Variants in TAF5 observed in about 807,000 individuals in gnomAD.
TAF5 encodes transcription initiation factor TFIID subunit 5.
A neutral mutation model predicts 80.9 loss-of-function variants in TAF5; 20 were observed. The observed-to-expected ratio is 0.25, with a 90% CI of 0.17 to 0.36. TAF5 has a LOEUF of 0.36. Among genes scored for constraint, TAF5 ranks in the 10% least tolerant of loss-of-function variants. The pLI is 1.00. For missense variants in TAF5, 863 were observed against 1,029.4 expected, an observed-to-expected ratio of 0.84 and a Z score of 2.21; for synonymous variants, 388 against 406.4, an observed-to-expected ratio of 0.95 and a Z score of 0.55.
At chr10:103,387,402 A>T (rs751106453) in intron 9 of TAF5, 50 bp downstream of exon 9, 1 of 1,560,266 alleles carries the variant, frequency 6.4e-7, no homozygotes, top group East Asian at 2.3e-5. Flanking sequence ...TTCAAAATAA[A>T]AATATTTTTT....
intron 8 of TAF5, among the ~76,000 whole-genome samples, chr10:103,386,651 G>A (rs1164387307): frequency 1.3e-5 from 2 of 149,622 alleles, no homozygotes; most frequent in Non-Finnish European, 3.0e-5. Flanking sequence ...GGGCAACAGA[G>A]CAAGACCTCA....
chr10:103,387,606 T>C lies in TAF5; in HGVS notation c.2093T>C (p.Ile698Thr). 6.2e-7 allele frequency: 1 copy of C among 1,614,144 alleles called. No homozygotes were observed. Among genetic ancestry groups the C allele is most frequent in the Non-Finnish European group, 8.5e-7 (1 of 1,180,002 alleles). Residue 698 changes from isoleucine (I) to threonine (T), a missense_variant, in exon 10 of 11, where the codon ATT becomes ACT. Ile to Thr is a moderately conservative substitution (Grantham distance 89). This residue lies in a region of TAF5 where 368 missense variants were observed against 461.7 expected (regional missense o/e 0.80). Transcript: ENST00000369839. Reference protein sequence around the residue: ...ATDGRVLLWDIGHGLMVGELK... With the variant: ...ATDGRVLLWDTGHGLMVGELK... The stretch of plus-strand genomic sequence containing the variant: ...GATGGCAGAGTGCTTCTTTGGGATA[T>C]TGGACATGGTTTGATGGTTGGAGAA...
chr10:103,378,144 A>G lies in TAF5; in HGVS notation c.798-91A>G. 1 of 1,142,630 alleles carries G rather than the reference A, an allele frequency of 8.8e-7. No homozygotes were observed. Among genetic ancestry groups the G allele is most frequent in the Admixed American group, 2.4e-5 (1 of 41,672 alleles). 70.8% of individuals were successfully genotyped at this position (1,142,630 alleles called of 1,614,324 possible). On this transcript the variant is annotated intron_variant, in intron 2 of 10. Transcript: ENST00000369839. The surrounding 1 kb of genome is among the most constrained non-coding windows in gnomAD (Gnocchi z 4.1). Reference sequence around the variant, plus strand: ...GGATTATTTAGACTACTACATTGAAAATATTCTGGGATGGTTTATAAGTAT... The same window carrying G: ...GGATTATTTAGACTACTACATTGAAGATATTCTGGGATGGTTTATAAGTAT...
intron 7 of TAF5, 58 bp downstream of exon 7, chr10:103,383,425 G>A (rs962576272): frequency 6.8e-7 from 1 of 1,469,862 alleles, no homozygotes; most frequent in Non-Finnish European, 9.1e-7. Flanking sequence ...TTATATAAAA[G>A]TTAACTACTG....
chr10:103,376,056 C>G (rs1251559926), intron 2 of TAF5, among the ~76,000 whole-genome samples: 1 of 131,282 alleles, frequency 7.6e-6, no homozygotes, highest in Non-Finnish European at 1.6e-5. Context: ...AAGTCTATCT[C>G]AAAAAAAAAA....
chr10:103,373,683 A>C, intron 2 of TAF5, 88 bp downstream of exon 2: 2 of 978,732 alleles, frequency 2.0e-6, no homozygotes, highest in Non-Finnish European at 3.0e-6. Flanking sequence ...AACCACAAAA[A>C]TGTAAGACTG....
intron 1 of TAF5, 130 bp downstream of exon 1, chr10:103,368,678 C>T (rs1421840618): frequency 8.1e-7 from 1 of 1,237,588 alleles, no homozygotes; most frequent in African/African-American, 1.6e-5. Flanking sequence ...GGCCACATGC[C>T]CGCCCCTTTC....
At chr10:103,381,009 G>T (rs1020054301) in intron 5 of TAF5, among the ~76,000 whole-genome samples, 17 of 151,784 alleles carry the variant, frequency 1.1e-4, no homozygotes, top group African/African-American at 4.1e-4. Flanking sequence ...GAGTGCGGTG[G>T]TGCAATTTTG....
chr10:103,388,047 G>A lies in TAF5; in HGVS notation c.2227G>A (p.Ala743Thr). The part of the protein sequence containing the change: ...NTVRLWDAIK[A>T]FEDLETDDFT... The stretch of plus-strand genomic sequence containing the variant: ...AGTTCGATTATGGGATGCTATCAAA[G>A]CCTTTGAAGATTTAGAGACCGATGA... Residue 743 changes from alanine to threonine, a missense_variant, in exon 11 of 11, where the codon GCC (alanine) becomes ACC (threonine). Ala to Thr is a moderately conservative substitution (Grantham distance 58). Around this residue, in one of 3 missense-constraint regions of TAF5, gnomAD observed 368 missense variants for 461.7 expected, o/e 0.80. Transcript: ENST00000369839. 1.9e-6 allele frequency: 3 copies of A among 1,614,046 alleles called. No homozygotes were observed. The highest frequency in any genetic ancestry group is 2.5e-6 in the Non-Finnish European group (3 of 1,179,952).
Position 103,373,532 on chromosome 10 carries a change from T to C in TAF5, c.734T>C (p.Val245Ala). Residue 245 changes from valine to alanine, a missense_variant, in exon 2 of 11, where the codon GTG becomes GCG. Val to Ala is a moderately conservative substitution (Grantham distance 64). Around this residue, in one of 3 missense-constraint regions of TAF5, gnomAD observed 128 missense variants for 232.2 expected, o/e 0.55. Transcript: ENST00000369839. ...TCCCAACTTTTTTATCCTCTGTTTG[T>C]GCACATGTACTTGGAGCTAGTCTAC... ...ELSQLFYPLF[V>A]HMYLELVYNQ... The C allele has an allele frequency of 6.2e-7, 1 of 1,614,226 alleles. No individual in the cohort carries two copies. Among genetic ancestry groups the C allele is most frequent in the Middle Eastern group, 1.6e-4 (1 of 6,062 alleles).
At position 103,385,492 on chromosome 10, in the gene TAF5, T is replaced by C; in HGVS notation, c.1829+2T>C. 1 of 1,613,742 alleles carries C rather than the reference T, an allele frequency of 6.2e-7. No homozygotes were observed. The highest frequency in any genetic ancestry group is 8.5e-7 in the Non-Finnish European group (1 of 1,179,914). ...AGGGGGCCATGACCGAGTAGCTCGG[T>C]AAGAACACTGTGATCTTATGACTGG... On this transcript the variant is annotated splice_donor_variant, in intron 8 of 10. Coordinates refer to ENST00000369839, the MANE Select transcript of TAF5 (RefSeq NM_006951.5). LOFTEE classifies it high-confidence loss of function.
At chr10:103,383,999 A>T (rs1383399279) in intron 7 of TAF5, among the ~76,000 whole-genome samples, 1 of 151,900 alleles carries the variant, frequency 6.6e-6, no homozygotes, top group African/African-American at 2.4e-5. Flanking sequence ...ATGGTAAATA[A>T]CCAACCAAAG....
chr10:103,373,435 A>G lies in TAF5; in HGVS notation c.637A>G (p.Met213Val), dbSNP rs774115472. ...CTACAACCAACAAGGAGATCCCACA[A>G]TGTATGAAGAATACTATAGTGGACT... Reference protein sequence around the residue: ...SAYNQQGDPTMYEEYYSGLKH... With the variant: ...SAYNQQGDPTVYEEYYSGLKH... Residue 213 changes from methionine (M) to valine (V), a missense_variant, in exon 2 of 11, where the codon ATG (methionine) becomes GTG (valine). Coordinates refer to ENST00000369839, the MANE Select transcript of TAF5 (RefSeq NM_006951.5). The G allele has an allele frequency of 1.9e-6, 3 of 1,614,072 alleles. No individual in the cohort carries two copies. Among genetic ancestry groups the G allele is most frequent in the East Asian group, 2.2e-5 (1 of 44,904 alleles).
intron 1 of TAF5, among the ~76,000 whole-genome samples, chr10:103,370,032 G>A (rs919235105): frequency 1.4e-4 from 22 of 151,814 alleles, no homozygotes; most frequent in Non-Finnish European, 2.1e-4. Context: ...AGGAGTTTGA[G>A]ACCAGGCTGG....
chr10:103,373,218 G>A (rs2093363572), intron 1 of TAF5, 140 bp from the exon 2 acceptor site: 1 of 640,830 alleles, frequency 1.6e-6, no homozygotes, highest in Non-Finnish European at 2.6e-6. Context: ...AAAAGATTAT[G>A]TGATTGTGTT....
intron 7 of TAF5, 152 bp from the exon 8 acceptor site, chr10:103,385,174 G>T: frequency 1.7e-6 from 1 of 593,154 alleles, no homozygotes; most frequent in Non-Finnish European, 2.8e-6. Context: ...TGTGAATTGC[G>T]TGTATGAATT....
intron 8 of TAF5, among the ~76,000 whole-genome samples, chr10:103,386,211 G>C (rs907178506): frequency 6.6e-6 from 1 of 151,978 alleles, no homozygotes; most frequent in Non-Finnish European, 1.5e-5. Context: ...GGCCAAGGAG[G>C]GCAGATAACT....
intron 2 of TAF5, among the ~76,000 whole-genome samples, chr10:103,375,119 C>CAAAAAAAAAAAAAAAAAAAAAAAAAAA (rs914374305): frequency 1.2e-5 from 1 of 80,650 alleles, no homozygotes. Flanking sequence ...GACCCTGTCT[C>CAAAAAAAAAAAAAAAAAAAAAAAAAAA]AAAAAAAAAA....
Position 103,383,246 on chromosome 10 carries a change from CT to C in TAF5, c.1545del (p.Ile516Ter). ...TTTCTGGACCATTTTAGATCTTAGTCTTATAGACAAAGAATCAGATGATGTC... is the reference window on the plus strand; with the variant it reads ...TTTCTGGACCATTTTAGATCTTAGTCTATAGACAAAGAATCAGATGATGTC... Reference protein sequence around the residue: ...RSVKQASDLSLIDKESDDVLE... With the variant: ...RSVKQASDLSXIDKESDDVLE... On this transcript the variant is annotated frameshift_variant, in exon 7 of 11. Transcript: ENST00000369839. LOFTEE classifies it high-confidence loss of function. 1 of 1,577,416 alleles carries C rather than the reference CT, an allele frequency of 6.3e-7. No individual in the cohort carries two copies. The highest frequency in any genetic ancestry group is 8.6e-7 in the Non-Finnish European group (1 of 1,168,692).
Sources: allele counts gnomAD v4.1 joint callset (sites outside exome capture counted in the v4.1 genomes callset), GRCh38; gene constraint gnomAD v4.1.1; regional missense constraint gnomAD v4.1.1; non-coding constraint Gnocchi (gnomAD v3.1); transcripts MANE v1.5; gene names NCBI Gene and HGNC (gene_info 2026-07-23, HGNC 2026-07-21).